Variants in ZNF804B observed in about 807,000 individuals in gnomAD.
ZNF804B encodes the protein zinc finger 804B.
In ZNF804B, 80 loss-of-function variants were observed where a neutral mutation model predicts 101.4. That is an observed-to-expected ratio of 0.79 (90% CI 0.66 to 0.95). The LOEUF (loss-of-function observed/expected upper bound fraction) is 0.95, where lower values mean the gene tolerates loss of function less well. Ranked by LOEUF, ZNF804B falls within the 40% of genes least tolerant of loss-of-function variation. The pLI, the probability that ZNF804B is intolerant of heterozygous loss-of-function variation, is 0.00. For synonymous variants in ZNF804B, 622 were observed against 558.8 expected (o/e 1.11, Z -1.59); for missense variants, 1,673 against 1,561.9 (o/e 1.07, Z -1.20).
intron 1 of ZNF804B, among the ~76,000 whole-genome samples, chr7:89,078,619 T>C (rs1215308200): frequency 6.6e-6 from 1 of 151,350 alleles, no homozygotes; most frequent in Non-Finnish European, 1.5e-5. Flanking sequence ...AAAAACACAA[T>C]ATTGCAATTT....
At chr7:89,067,823 CTTTTCTT>C (rs1789476269) in intron 1 of ZNF804B, among the ~76,000 whole-genome samples, 1 of 127,904 alleles carries the variant, frequency 7.8e-6, no homozygotes, top group Non-Finnish European at 1.6e-5. Flanking sequence ...TTTTTCTTTT[CTTTTCTT>C]TTTTTTTTTT....
intron 1 of ZNF804B, among the ~76,000 whole-genome samples, chr7:89,060,794 A>T (rs1222144144): frequency 1.3e-5 from 2 of 152,292 alleles, no homozygotes; most frequent in East Asian, 3.9e-4. Context: ...CACAATGTTG[A>T]CTTCGTGTGT....
intron 1 of ZNF804B, among the ~76,000 whole-genome samples, chr7:88,900,166 T>A (rs1350763892): frequency 2.6e-5 from 4 of 152,226 alleles, no homozygotes; most frequent in African/African-American, 9.6e-5. Context: ...TGTATACAGA[T>A]TTAGAATTTT....
At chr7:89,300,817 A>G (rs947056873) in intron 2 of ZNF804B, among the ~76,000 whole-genome samples, 1 of 151,896 alleles carries the variant, frequency 6.6e-6, no homozygotes, top group Non-Finnish European at 1.5e-5. Context: ...TAATCTGAAA[A>G]AAGTTTTGAA....
At chr7:89,171,771 G>C (rs1178041535) in intron 1 of ZNF804B, among the ~76,000 whole-genome samples, 1 of 152,066 alleles carries the variant, frequency 6.6e-6, no homozygotes, top group Non-Finnish European at 1.5e-5. Flanking sequence ...CTAGGGCTTT[G>C]GGGGATTAAT....
chr7:88,949,006 A>C (rs143010017), intron 1 of ZNF804B, among the ~76,000 whole-genome samples: 20 of 151,658 alleles, frequency 1.3e-4, no homozygotes, highest in African/African-American at 4.1e-4. Context: ...TTTGTATACT[A>C]TGTGAAGTAT....
chr7:88,932,236 C>A (rs1019193129), intron 1 of ZNF804B, among the ~76,000 whole-genome samples: 2 of 151,624 alleles, frequency 1.3e-5, no homozygotes, highest in African/African-American at 4.8e-5. Context: ...ATCCCTCTGC[C>A]ATTGTACATA....
intron 1 of ZNF804B, among the ~76,000 whole-genome samples, chr7:89,075,223 A>T (rs549042213): frequency 6.6e-6 from 1 of 152,322 alleles, no homozygotes; most frequent in South Asian, 2.1e-4. Context: ...TCCCCAAGAC[A>T]GTGAAGAAAA....
intron 1 of ZNF804B, among the ~76,000 whole-genome samples, chr7:89,075,168 G>A (rs2116303768): frequency 6.6e-6 from 1 of 152,322 alleles, no homozygotes; most frequent in Middle Eastern, 3.4e-3. Context: ...ACAAATTCAA[G>A]CTGGCTTCAG....
At chr7:89,076,068 A>C (rs1237501107) in intron 1 of ZNF804B, among the ~76,000 whole-genome samples, 1 of 152,220 alleles carries the variant, frequency 6.6e-6, no homozygotes, top group Non-Finnish European at 1.5e-5. Context: ...CCTAGGTGGA[A>C]GGGCCTTGCC....
intron 1 of ZNF804B, among the ~76,000 whole-genome samples, chr7:88,854,419 C>CTTTCTTCCTTCCTTTCTTTCTTTCTT (rs1562812587): frequency 1.3e-5 from 1 of 76,376 alleles, no homozygotes; most frequent in African/African-American, 5.0e-5. Context: ...TTCTTCCTTT[C>CTTTCTTCCTTCCTTTCTTTCTTTCTT]TTTCTTTCTT....
At chr7:88,954,650 A>G (rs1793276369) in intron 1 of ZNF804B, among the ~76,000 whole-genome samples, 1 of 151,568 alleles carries the variant, frequency 6.6e-6, no homozygotes, top group South Asian at 2.1e-4. Flanking sequence ...ATGTCCAAGT[A>G]AAAAAGGGGC....
intron 2 of ZNF804B, among the ~76,000 whole-genome samples, chr7:89,270,248 T>G (rs953211936): frequency 2.0e-5 from 3 of 152,208 alleles, no homozygotes; most frequent in Non-Finnish European, 4.4e-5. Flanking sequence ...TTGTATAAGG[T>G]GTAAGGAAGG....
intron 1 of ZNF804B, among the ~76,000 whole-genome samples, chr7:89,068,247 G>A (rs1311651950): frequency 1.3e-5 from 2 of 151,284 alleles, no homozygotes; most frequent in South Asian, 4.2e-4. Flanking sequence ...TAAAGTTGTA[G>A]CAATATATTC....
chr7:88,981,124 G>A (rs901360969), intron 1 of ZNF804B, among the ~76,000 whole-genome samples: 1 of 152,058 alleles, frequency 6.6e-6, no homozygotes, highest in Non-Finnish European at 1.5e-5. Context: ...CCTGAAGCCA[G>A]CATGGTGCTG....
chr7:88,890,078 T>G (rs1486511742), intron 1 of ZNF804B, among the ~76,000 whole-genome samples: 1 of 152,170 alleles, frequency 6.6e-6, no homozygotes, highest in African/African-American at 2.4e-5. Flanking sequence ...CAATAAGTTA[T>G]TTCATAATAC....
chr7:88,803,552 A>G (rs1004998719), intron 1 of ZNF804B, among the ~76,000 whole-genome samples: 2 of 152,160 alleles, frequency 1.3e-5, no homozygotes, highest in Admixed American at 1.3e-4. Flanking sequence ...GACCTGATTC[A>G]CTGGATATGG....
intron 1 of ZNF804B, among the ~76,000 whole-genome samples, chr7:89,057,530 A>C (rs1186292751): frequency 6.6e-6 from 1 of 152,028 alleles, no homozygotes; most frequent in Admixed American, 6.6e-5. Flanking sequence ...TTAATTAATT[A>C]ATTAAAACTA....
intron 1 of ZNF804B, among the ~76,000 whole-genome samples, chr7:88,783,577 G>A (rs1790259319): frequency 6.6e-6 from 1 of 152,146 alleles, no homozygotes; most frequent in Non-Finnish European, 1.5e-5. Context: ...GAAGGTGAGT[G>A]ATGGGTAAAT....
Sources: allele counts gnomAD v4.1 joint callset (sites outside exome capture counted in the v4.1 genomes callset), GRCh38; gene constraint gnomAD v4.1.1; transcripts MANE v1.5; gene names NCBI Gene and HGNC (gene_info 2026-07-23, HGNC 2026-07-21).